HECW1: variants seen among roughly 807,000 people sequenced by gnomAD.
HECW1 encodes E3 ubiquitin-protein ligase HECW1.
Under a neutral mutation model 182.3 loss-of-function variants are expected in HECW1, and 61 were observed. The ratio of observed to expected loss-of-function variants is 0.33; its 90% CI spans 0.27 to 0.41. The LOEUF is 0.41. HECW1 is among the 10% of genes least tolerant of loss of function. The pLI, the probability that HECW1 is intolerant of heterozygous loss-of-function variation, is 1.00. For synonymous variants in HECW1, 859 were observed against 832.6 expected (o/e 1.03, Z -0.55); for missense variants, 1,739 against 2,108.9 (o/e 0.82, Z 3.44).
chr7:43,200,394 C>T (rs962325239), intron 2 of HECW1, among the ~76,000 whole-genome samples: 1 of 152,210 alleles, frequency 6.6e-6, no homozygotes, highest in Non-Finnish European at 1.5e-5. Flanking sequence ...TTGGCTCATG[C>T]ATGTCACTCA....
At chr7:43,379,855 G>C (rs377677371) in intron 6 of HECW1, among the ~76,000 whole-genome samples, 1 of 152,092 alleles carries the variant, frequency 6.6e-6, no homozygotes. Context: ...CATGGTGCTC[G>C]TGTTGTAATT....
chr7:43,214,623 A>G (rs1296314221), intron 2 of HECW1, among the ~76,000 whole-genome samples: 4 of 152,322 alleles, frequency 2.6e-5, no homozygotes, highest in Admixed American at 1.3e-4. Flanking sequence ...TCAGGATCCA[A>G]TCAGGAAATT....
intron 2 of HECW1, among the ~76,000 whole-genome samples, chr7:43,235,391 A>G (rs1257237935): frequency 6.6e-6 from 1 of 152,212 alleles, no homozygotes; most frequent in African/African-American, 2.4e-5. Flanking sequence ...AGACTGATAA[A>G]AGACAACAGA....
chr7:43,484,354 G>A (rs75285302), intron 17 of HECW1: 28,439 of 152,132 alleles, frequency 0.19, 2,924 homozygotes, highest in South Asian at 0.23. Flanking sequence ...AAATAGCAGG[G>A]TATCTGATTA....
intron 4 of HECW1, among the ~76,000 whole-genome samples, chr7:43,315,972 G>A (rs1232301377): frequency 6.6e-6 from 1 of 152,058 alleles, no homozygotes; most frequent in African/African-American, 2.4e-5. Flanking sequence ...AATCAGTTAT[G>A]GGCTCACTTG....
Position 43,479,622 on chromosome 7 carries a change from G to A in HECW1, c.3112G>A (p.Asp1038Asn). ...GGTCTGTTCGCAGTCTTTTTTCGTG[G>A]ACCACAACAGTCGAGCTACCACTTT... ...TDQQGKSFFV[D>N]HNSRATTFID... Residue 1038 changes from aspartate to asparagine, a missense_variant, in exon 17 of 30, where the codon GAC becomes AAC. Physicochemically the swap from Asp to Asn is conservative, Grantham distance 23. This residue lies in a region of HECW1 where 971 missense variants were observed against 1,029.1 expected (regional missense o/e 0.94). Coordinates refer to ENST00000395891, the MANE Select transcript of HECW1 (RefSeq NM_015052.5). 6.2e-7 allele frequency: 1 copy of A among 1,613,824 alleles called. No homozygotes were observed. The highest frequency in any genetic ancestry group is 8.5e-7 in the Non-Finnish European group (1 of 1,179,950).
chr7:43,462,671 G>A (rs2077628828), intron 13 of HECW1, among the ~76,000 whole-genome samples: 1 of 152,042 alleles, frequency 6.6e-6, no homozygotes, highest in South Asian at 2.1e-4. Flanking sequence ...CTACTGCAGG[G>A]CGCCCTCTGG....
At chr7:43,504,350 A>G (rs76344233) in intron 21 of HECW1, among the ~76,000 whole-genome samples, 5,870 of 152,240 alleles carry the variant, frequency 0.039, 197 homozygotes, top group East Asian at 0.17. Context: ...AATGTGCTTG[A>G]TCCACTACCC....
chr7:43,175,049 C>T (rs1191402807), intron 2 of HECW1, among the ~76,000 whole-genome samples: 2 of 152,202 alleles, frequency 1.3e-5, no homozygotes, highest in Non-Finnish European at 2.9e-5. Context: ...CCAATCCCAT[C>T]CTGCTGATTT....
At chr7:43,411,002 A>T (rs2075783012) in intron 8 of HECW1, among the ~76,000 whole-genome samples, 1 of 148,652 alleles carries the variant, frequency 6.7e-6, no homozygotes, top group African/African-American at 2.5e-5. Context: ...TTATTTTTAT[A>T]TATGCCCTTA....
At chr7:43,547,394 A>C (rs1057158551) in intron 26 of HECW1, among the ~76,000 whole-genome samples, 1 of 151,732 alleles carries the variant, frequency 6.6e-6, no homozygotes, top group Non-Finnish European at 1.5e-5. Context: ...TAAAAATACA[A>C]AAATTAACCA....
At chr7:43,410,856 T>C (rs1432265727) in intron 8 of HECW1, among the ~76,000 whole-genome samples, 4 of 152,170 alleles carry the variant, frequency 2.6e-5, no homozygotes. Flanking sequence ...ACAATACCTC[T>C]TTCATTTATA....
chr7:43,490,827 G>A (rs1396925912), intron 17 of HECW1, among the ~76,000 whole-genome samples: 3 of 152,038 alleles, frequency 2.0e-5, no homozygotes, highest in African/African-American at 4.8e-5. Context: ...GTGCAATCTC[G>A]GTTCACTGCA....
At chr7:43,190,275 G>T (rs1258932415) in intron 2 of HECW1, among the ~76,000 whole-genome samples, 1 of 152,046 alleles carries the variant, frequency 6.6e-6, no homozygotes, top group African/African-American at 2.4e-5. Context: ...CACCACGCCT[G>T]GCTAATTTTT....
intron 8 of HECW1, among the ~76,000 whole-genome samples, chr7:43,411,854 C>T (rs2075814473): frequency 6.6e-6 from 1 of 152,104 alleles, no homozygotes; most frequent in African/African-American, 2.4e-5. Context: ...AAGTGCATTG[C>T]CTATGGACAG....
chr7:43,288,202 A>G (rs547260366), intron 3 of HECW1, among the ~76,000 whole-genome samples: 1 of 152,284 alleles, frequency 6.6e-6, no homozygotes, highest in East Asian at 1.9e-4. Flanking sequence ...AACTTTCTCA[A>G]TGAGAAGAGG....
chr7:43,408,156 G>T (rs2075674879), intron 8 of HECW1, among the ~76,000 whole-genome samples: 1 of 152,238 alleles, frequency 6.6e-6, no homozygotes, highest in South Asian at 2.1e-4. Context: ...AAAACTGGGA[G>T]GTTCCTGGGA....
intron 2 of HECW1, among the ~76,000 whole-genome samples, chr7:43,134,393 CAAAAA>C (rs35414360): frequency 1.1e-4 from 10 of 87,770 alleles, no homozygotes; most frequent in East Asian, 3.4e-4. Context: ...GACTCTGTCT[CAAAAA>C]AAAAAAAAAA....
intron 2 of HECW1, among the ~76,000 whole-genome samples, chr7:43,166,029 T>C (rs773613943): frequency 1.3e-5 from 2 of 152,222 alleles, no homozygotes; most frequent in South Asian, 4.1e-4. Context: ...CAAAGATGAA[T>C]TGGACATGGT....
Sources: allele counts gnomAD v4.1 joint callset (sites outside exome capture counted in the v4.1 genomes callset), GRCh38; gene constraint gnomAD v4.1.1; regional missense constraint gnomAD v4.1.1; transcripts MANE v1.5; gene names NCBI Gene and HGNC (gene_info 2026-07-23, HGNC 2026-07-21).